Variants in SCUBE2 observed in about 807,000 individuals in gnomAD.
SCUBE2 encodes the protein signal peptide, CUB and EGF-like domain-containing protein 2.
Under a neutral mutation model 125.9 loss-of-function variants are expected in SCUBE2, and 114 were observed. That is an observed-to-expected ratio of 0.91 (90% CI 0.78 to 1.06). The LOEUF (loss-of-function observed/expected upper bound fraction) is 1.06, where lower values mean the gene tolerates loss of function less well. SCUBE2 is among the 50% of genes least tolerant of loss of function. The pLI is 0.00. For synonymous variants in SCUBE2, 459 were observed against 492.9 expected, an observed-to-expected ratio of 0.93 and a Z score of 0.91; for missense variants, 1,255 against 1,301.8, an observed-to-expected ratio of 0.96 and a Z score of 0.55.
chr11:9,068,189 C>T (rs1354520920), intron 5 of SCUBE2, among the ~76,000 whole-genome samples: 1 of 152,164 alleles, frequency 6.6e-6, no homozygotes, highest in African/African-American at 2.4e-5. Flanking sequence ...TCACCATAAA[C>T]CACCATCCCC....
rs1206699080 is a variant in SCUBE2, at chr11:9,065,996, A to C, written c.761-16T>G. The C allele has an allele frequency of 6.3e-7, 1 of 1,584,022 alleles. No individual in the cohort carries two copies. On this transcript the variant is annotated splice_polypyrimidine_tract_variant and intron_variant, in intron 6 of 22. Coordinates refer to ENST00000649792, the MANE Select transcript of SCUBE2 (RefSeq NM_001367977.2). ...TCCTCTCGCTCTACAAGAGAAGCAA[A>C]AGAGCACGGTTCTCAGACTGAATGA... is the stretch of plus-strand genomic sequence containing the variant.
At chr11:9,045,706 A>C (rs1399660956) in intron 16 of SCUBE2, among the ~76,000 whole-genome samples, 1 of 151,832 alleles carries the variant, frequency 6.6e-6, no homozygotes, top group Non-Finnish European at 1.5e-5. Flanking sequence ...TTTCTAATTA[A>C]CACACCTGAC....
intron 17 of SCUBE2, among the ~76,000 whole-genome samples, chr11:9,032,404 G>T (rs1856386438): frequency 6.6e-6 from 1 of 152,138 alleles, no homozygotes; most frequent in African/African-American, 2.4e-5. Context: ...AGGGTTACAG[G>T]TATGAGCCAC....
chr11:9,080,056 C>A (rs539677822), intron 2 of SCUBE2, among the ~76,000 whole-genome samples: 1 of 152,276 alleles, frequency 6.6e-6, no homozygotes, highest in South Asian at 2.1e-4. Flanking sequence ...TATAAACCTA[C>A]AGTTATCAAG....
intron 3 of SCUBE2, among the ~76,000 whole-genome samples, chr11:9,077,236 C>G (rs577779227): frequency 6.6e-6 from 1 of 152,334 alleles, no homozygotes; most frequent in African/African-American, 2.4e-5. Context: ...GAGATACTGA[C>G]AGAGCCAGTC....
At chr11:9,049,087 T>C (rs58752865) in intron 14 of SCUBE2, among the ~76,000 whole-genome samples, 8,922 of 152,258 alleles carry the variant, frequency 0.059, 333 homozygotes, top group Middle Eastern at 0.11. Flanking sequence ...TTGAAATAAG[T>C]AGATTTATAG....
At chr11:9,052,884 C>T (rs1858564535) in intron 12 of SCUBE2, 52 bp from the exon 13 acceptor site, 1 of 1,411,080 alleles carries the variant, frequency 7.1e-7, no homozygotes, top group Non-Finnish European at 9.7e-7. Context: ...CACAGGCTAT[C>T]CTGGTAGCAG....
At chr11:9,084,844 C>A (rs559809873) in intron 2 of SCUBE2, among the ~76,000 whole-genome samples, 5 of 152,280 alleles carry the variant, frequency 3.3e-5, no homozygotes, top group South Asian at 2.1e-4. Context: ...CTCAAGTGAT[C>A]CTCCTGCCTC....
At position 9,059,588 on chromosome 11, in the gene SCUBE2, T is replaced by G. The variant is rs980585374; in HGVS notation, c.968-163A>C. The G allele has an allele frequency of 2.3e-5, 21 of 924,922 alleles. No homozygotes were observed. The Admixed American group carries it at 4.4e-4, about 20-fold the overall frequency. 57.3% of individuals were successfully genotyped at this position (924,922 alleles called of 1,614,324 possible). A position where few individuals can be genotyped will look rare whatever the true frequency, so the allele number is the denominator to read the frequency against. ...TGATGTTTTTAACCTTATACATGTT[T>G]TCTTATCTGGCTTAACCAGTTTTGA... On this transcript the variant is annotated intron_variant, in intron 8 of 22. Transcript: ENST00000649792.
At chr11:9,051,237 C>CCTATCTATCTAT (rs796910729) in intron 13 of SCUBE2, among the ~76,000 whole-genome samples, 8 of 150,292 alleles carry the variant, frequency 5.3e-5, no homozygotes, top group African/African-American at 2.0e-4. Context: ...TACCTACCTA[C>CCTATCTATCTAT]CTATCTATCT....
chr11:9,029,723 C>G (rs991730287), intron 19 of SCUBE2, among the ~76,000 whole-genome samples, 161 bp downstream of exon 19: 1 of 152,236 alleles, frequency 6.6e-6, no homozygotes, highest in African/African-American at 2.4e-5. Flanking sequence ...TCAGGCCCTG[C>G]TCTCTCTCCA....
Position 9,069,409 on chromosome 11 carries a change from G to C in SCUBE2, c.604C>G (p.Pro202Ala). The C allele has an allele frequency of 6.2e-7, 1 of 1,614,222 alleles. No homozygotes were observed. Among genetic ancestry groups the C allele is most frequent in the Non-Finnish European group, 8.5e-7 (1 of 1,180,028 alleles). ...TGGTTCTTGGCCAGCTCAAAACCAG[G>C]CCTGCACTCACAGGCGACGCTGCCC... ...PRGSVACECR[P>A]GFELAKNQRD... Residue 202 changes from proline (P) to alanine (A), a missense_variant, in exon 5 of 23, where the codon CCT becomes GCT. By Grantham distance (27) the Pro-to-Ala change is conservative. This residue lies in a region of SCUBE2 where 362 missense variants were observed against 323.0 expected (regional missense o/e 1.12). Coordinates refer to ENST00000649792, the MANE Select transcript of SCUBE2 (RefSeq NM_001367977.2).
chr11:9,024,137 C>T (rs1358446506), intron 21 of SCUBE2: 1 of 929,764 alleles, frequency 1.1e-6, no homozygotes, highest in African/African-American at 1.7e-5. Context: ...CGTAATTTTC[C>T]CCAGTTGGAG....
At chr11:9,069,238 C>T (rs1411570284) in intron 5 of SCUBE2, 132 bp downstream of exon 5, 85 of 1,102,138 alleles carry the variant, frequency 7.7e-5, no homozygotes, top group Non-Finnish European at 1.1e-4. Context: ...TGGTAGAGGT[C>T]GGTATCCCGT....
Position 9,091,036 on chromosome 11 carries a change from G to A in SCUBE2, c.133+360C>T, listed in dbSNP as rs1862650493. Among the ~76,000 whole-genome samples the A allele has an allele frequency of 6.6e-6, 1 of 152,142 alleles. No individual in the cohort carries two copies. Among genetic ancestry groups the A allele is most frequent in the Non-Finnish European group, 1.5e-5 (1 of 68,006 alleles). On this transcript the variant is annotated intron_variant, in intron 1 of 22. Transcript: ENST00000649792. This position sits in a 1 kb window ranked among gnomAD's most constrained non-coding sequence, Gnocchi z 8.5. ...CTGCCACCGCCTCGCGGATGTGCCC[G>A]GCCCGGCCCTCAGTTTCCCCGCCTA... is the stretch of plus-strand genomic sequence containing the variant.
chr11:9,053,558 T>C (rs2135474932), intron 11 of SCUBE2, 79 bp downstream of exon 11: 2 of 1,540,554 alleles, frequency 1.3e-6, no homozygotes, highest in South Asian at 2.4e-5. Flanking sequence ...TCAGGTGGGA[T>C]GTGGGAGCAC....
chr11:9,052,713 C>T (rs565947455), intron 13 of SCUBE2, 33 bp downstream of exon 13: 6 of 1,461,306 alleles, frequency 4.1e-6, no homozygotes, highest in South Asian at 3.7e-5. Context: ...ACACAGTGAG[C>T]CCCCAGAGAG....
intron 2 of SCUBE2, among the ~76,000 whole-genome samples, chr11:9,089,429 A>C (rs1437140545): frequency 1.3e-5 from 2 of 152,192 alleles, no homozygotes; most frequent in African/African-American, 2.4e-5. Context: ...CCCAAAACTG[A>C]GTGGGACCCA....
intron 21 of SCUBE2, chr11:9,024,217 G>A (rs1855540522): frequency 9.1e-7 from 1 of 1,100,716 alleles, no homozygotes; most frequent in African/African-American, 1.6e-5. Context: ...GTTGAGAACA[G>A]CCATATTTAT....
Sources: allele counts gnomAD v4.1 joint callset (sites outside exome capture counted in the v4.1 genomes callset), GRCh38; gene constraint gnomAD v4.1.1; regional missense constraint gnomAD v4.1.1; non-coding constraint Gnocchi (gnomAD v3.1); transcripts MANE v1.5; gene names NCBI Gene and HGNC (gene_info 2026-07-23, HGNC 2026-07-21).